DLC1: variants seen among roughly 807,000 people sequenced by gnomAD.
DLC1 encodes the protein DLC1 Rho GTPase activating protein, also known as rho GTPase-activating protein 7.
Under a neutral mutation model 140.3 loss-of-function variants are expected in DLC1, and 54 were observed. That is an observed-to-expected ratio of 0.38 (90% confidence interval 0.31 to 0.48). The LOEUF (loss-of-function observed/expected upper bound fraction) is 0.48, where lower values mean the gene tolerates loss of function less well. DLC1 is among the 20% of genes least tolerant of loss of function. The pLI, the probability that DLC1 is intolerant of heterozygous loss-of-function variation, is 0.96. For synonymous variants in DLC1, 986 were observed against 728.1 expected (o/e 1.35, Z -5.70); for missense variants, 2,536 against 1,907.0 (o/e 1.33, Z -6.14).
rs563530050 is a variant in DLC1, at chr8:13,580,569, C to G, written c.-126+23968G>C. Among the ~76,000 whole-genome samples the G allele has an allele frequency of 3.9e-5, 6 of 152,244 alleles. No homozygotes were observed. In the South Asian group the frequency reaches 1.2e-3, roughly 32 times the overall value. On this transcript the variant is annotated intron_variant, in intron 1 of 1. Coordinates refer to the DLC1 transcript ENST00000631382. The stretch of plus-strand genomic sequence containing the variant: ...TGGACTTCCTGCTCACTGTGCCCAT[C>G]CCTGAAGTCATCTTGCAGAGGTGAG...
intron 4 of DLC1, chr8:13,340,706 ATTG>A (rs1424828355): frequency 6.6e-6 from 1 of 152,160 alleles, no homozygotes; most frequent in Non-Finnish European, 1.5e-5. Context: ...CTATTGTTTT[ATTG>A]TTGTTATAAA....
intron 4 of DLC1, among the ~76,000 whole-genome samples, chr8:13,358,227 T>G (rs1250956142): frequency 1.3e-5 from 2 of 152,230 alleles, no homozygotes; most frequent in Non-Finnish European, 2.9e-5. Context: ...AGCAAGCTTC[T>G]TTTCCATCCT....
rs1488480976 is a variant in DLC1 at position 13,189,136 on chromosome 8, G to T, written c.1349-73479C>A. The stretch of plus-strand genomic sequence containing the variant: ...CATAGTTTTTCATGATAAAATAATT[G>T]TAAGTATTTCAACTCTCTCTGCGGA... On this transcript the variant is annotated intron_variant, in intron 5 of 17. Transcript: ENST00000276297. Among the ~76,000 whole-genome samples the T allele has an allele frequency of 3.9e-5, 6 of 151,992 alleles. No individual in the cohort carries two copies. In the East Asian group the frequency reaches 1.2e-3, roughly 29 times the overall value.
intron 4 of DLC1, among the ~76,000 whole-genome samples, chr8:13,352,042 C>T (rs1001697956): frequency 6.6e-6 from 1 of 152,196 alleles, no homozygotes; most frequent in Admixed American, 6.5e-5. Flanking sequence ...CCATATGTCT[C>T]TATTTAAAAT....
At chr8:13,416,391 A>G (rs1452928894) in intron 2 of DLC1, among the ~76,000 whole-genome samples, 1 of 152,242 alleles carries the variant, frequency 6.6e-6, no homozygotes, top group Non-Finnish European at 1.5e-5. Context: ...TATAAAATTC[A>G]AAAAACATAT....
intron 5 of DLC1, chr8:13,132,882 C>CG (rs1554581281): frequency 1.3e-6 from 2 of 1,541,824 alleles, no homozygotes; most frequent in Non-Finnish European, 1.8e-6. Flanking sequence ...TTTCTCGCGG[C>CG]GGGTCCCCTC....
At chr8:13,192,951 C>T (rs1021956186) in intron 5 of DLC1, among the ~76,000 whole-genome samples, 5 of 152,172 alleles carry the variant, frequency 3.3e-5, no homozygotes, top group Non-Finnish European at 5.9e-5. Context: ...CAGTTTGTGG[C>T]GTTTAATATG....
chr8:13,443,657 C>CAAAAAAAAAAAAAAAA (rs11321891), intron 2 of DLC1, among the ~76,000 whole-genome samples: 4 of 66,892 alleles, frequency 6.0e-5, no homozygotes, highest in Admixed American at 1.5e-4. Context: ...GACTCCGTCT[C>CAAAAAAAAAAAAAAAA]AAAAAAAAAA....
intron 1 of DLC1, among the ~76,000 whole-genome samples, chr8:13,532,222 A>T (rs1803122397): frequency 6.6e-6 from 1 of 152,128 alleles, no homozygotes; most frequent in African/African-American, 2.4e-5. Flanking sequence ...GTGAGCTGTG[A>T]CCATACCACT....
chr8:13,113,671 C>G (rs1820302757), intron 6 of DLC1, among the ~76,000 whole-genome samples: 2 of 152,198 alleles, frequency 1.3e-5, no homozygotes, highest in African/African-American at 4.8e-5. Context: ...TCCAGTAGAG[C>G]TATGAATTGA....
intron 1 of DLC1, among the ~76,000 whole-genome samples, chr8:13,524,459 G>A (rs889644026): frequency 6.6e-6 from 1 of 151,940 alleles, no homozygotes; most frequent in Non-Finnish European, 1.5e-5. Flanking sequence ...TTTTGTTGTT[G>A]CTTTTCGCTA....
intron 5 of DLC1, among the ~76,000 whole-genome samples, chr8:13,132,044 C>T (rs925393662): frequency 6.6e-6 from 1 of 152,162 alleles, no homozygotes; most frequent in African/African-American, 2.4e-5. Context: ...AAGCTGTCGC[C>T]TTGTTACGAA....
intron 2 of DLC1, among the ~76,000 whole-genome samples, chr8:13,483,548 T>A (rs983792360): frequency 3.9e-5 from 6 of 152,056 alleles, no homozygotes; most frequent in Admixed American, 3.3e-4. Flanking sequence ...ACTTGAAGAA[T>A]AACCAAAAAC....
chr8:13,276,107 G>C lies in DLC1; in HGVS notation c.1348+29162C>G, dbSNP rs1427959141. On this transcript the variant is annotated intron_variant, in intron 5 of 17. Coordinates refer to ENST00000276297, the MANE Select transcript of DLC1 (RefSeq NM_182643.3). ...CACTCCATCAAGGTTAAATACTAGA[G>C]AAAGGGAGACCGAACACACTGCCAT... Among the ~76,000 whole-genome samples, 3 of 152,318 alleles carry C rather than the reference G, an allele frequency of 2.0e-5. No individual in the cohort carries two copies. In the East Asian group the frequency reaches 5.8e-4, roughly 29 times the overall value.
chr8:13,498,981 T>C (rs1585208543), intron 2 of DLC1, 68 bp downstream of exon 2: 2 of 1,492,652 alleles, frequency 1.3e-6, no homozygotes, highest in Non-Finnish European at 8.9e-7. Flanking sequence ...CCAAGCAAAA[T>C]GATAACTGAT....
chr8:13,389,066 C>G (rs1470509186), intron 4 of DLC1, among the ~76,000 whole-genome samples: 1 of 151,990 alleles, frequency 6.6e-6, no homozygotes, highest in Non-Finnish European at 1.5e-5. Flanking sequence ...TCTTGATGTT[C>G]TTGATTATTC....
chr8:13,397,030 G>T (rs538631683), intron 3 of DLC1, among the ~76,000 whole-genome samples: 19 of 151,128 alleles, frequency 1.3e-4, no homozygotes, highest in African/African-American at 4.6e-4. Flanking sequence ...TATGCCTCCA[G>T]TTATGCCATT....
upstream of DLC1, among the ~76,000 whole-genome samples, chr8:13,515,305 A>G (rs530783887): frequency 6.6e-6 from 1 of 152,334 alleles, no homozygotes; most frequent in African/African-American, 2.4e-5. Context: ...AAAATTGGAA[A>G]TGCTGCAGCT....
Position 13,575,160 on chromosome 8 carries a change from A to C in DLC1, c.-126+29377T>G, listed in dbSNP as rs147724611. On this transcript the variant is annotated intron_variant, in intron 1 of 1. Coordinates refer to the DLC1 transcript ENST00000631382. Reference sequence around the variant, plus strand: ...ACAGCGAAAATTGCAAACTTACATCAAAGTGTCTTATGCAATCATAAGCCC... The same window carrying C: ...ACAGCGAAAATTGCAAACTTACATCCAAGTGTCTTATGCAATCATAAGCCC... Among the ~76,000 whole-genome samples, 348 of 152,326 alleles carry C rather than the reference A, an allele frequency of 2.3e-3. 1 individual carries two copies. Among genetic ancestry groups the C allele is most frequent in the Admixed American group, 3.8e-3 (58 of 15,300 alleles).
Sources: allele counts gnomAD v4.1 joint callset (sites outside exome capture counted in the v4.1 genomes callset), GRCh38; gene constraint gnomAD v4.1.1; transcripts MANE v1.5; gene names NCBI Gene and HGNC (gene_info 2026-07-23, HGNC 2026-07-21).